The following ZNF444 variants were observed in gnomAD, a reference collection of about 807,000 sequenced individuals.
ZNF444 encodes the protein endothelial zinc finger protein 2.
In ZNF444, 8 loss-of-function variants were observed where a neutral mutation model predicts 14.4. The observed-to-expected ratio is 0.56, with a 90% CI of 0.33 to 1.00. The LOEUF (loss-of-function observed/expected upper bound fraction) is 1.00. ZNF444 is among the 50% of genes least tolerant of loss of function. ZNF444 has a pLI of 0.03. For synonymous variants in ZNF444, 258 were observed against 235.9 expected, an observed-to-expected ratio of 1.09 and a Z score of -0.86; for missense variants, 510 against 504.8, an observed-to-expected ratio of 1.01 and a Z score of -0.10.
At position 56,145,037 on chromosome 19, in the gene ZNF444, G is replaced by A. The variant is rs537783765; in HGVS notation, c.-196-1210G>A. On this transcript the variant is annotated intron_variant, in intron 1 of 4. Coordinates refer to ENST00000337080, the MANE Select transcript of ZNF444 (RefSeq NM_018337.4). This position sits in a 1 kb window ranked among gnomAD's most constrained non-coding sequence, Gnocchi z 4.3. ...CACAGCCACTCGGTAGCTCCAAGGC[G>A]GCCGTGGACAGCGCGTGAGCAAGTG... Among the ~76,000 whole-genome samples, 5 of 152,338 alleles carry A rather than the reference G, an allele frequency of 3.3e-5. No individual in the cohort carries two copies. Among genetic ancestry groups the A allele is most frequent in the African/African-American group, 4.8e-5 (2 of 41,584 alleles).
chr19:56,159,733 C>T lies in ZNF444; in HGVS notation c.516C>T (p.Phe172=). 3 of 1,578,698 alleles carry T rather than the reference C, an allele frequency of 1.9e-6. No homozygotes were observed. Among genetic ancestry groups the T allele is most frequent in the Non-Finnish European group, 2.6e-6 (3 of 1,166,736 alleles). Residue 172 remains phenylalanine (F), a synonymous_variant, in exon 5 of 5, where the codon TTC becomes TTT. Coordinates refer to ENST00000337080, the MANE Select transcript of ZNF444 (RefSeq NM_018337.4). ...SPPLAPGLPA[F]LAAPGTTSCP... is the part of the protein sequence containing the mutation. ...CGCTGGCGCCTGGCCTGCCCGCCTT[C>T]CTAGCGGCCCCGGGCACCACGTCCT...
At chr19:56,153,791 T>C (rs980960996) in intron 3 of ZNF444, among the ~76,000 whole-genome samples, 16 of 152,158 alleles carry the variant, frequency 1.1e-4, no homozygotes, top group Non-Finnish European at 2.4e-4. Flanking sequence ...AATGCCCCAG[T>C]CAGCCTGCGT....
chr19:56,150,472 TACTC>T (rs1354695685), intron 3 of ZNF444: 89 of 365,248 alleles, frequency 2.4e-4, no homozygotes, highest in South Asian at 1.8e-3. Flanking sequence ...TTGTATCTGT[TACTC>T]TCTCTTTTTA....
At chr19:56,140,648 A>T (rs535504992), upstream of ZNF444, among the ~76,000 whole-genome samples, 77 of 152,264 alleles carry the variant, frequency 5.1e-4, 1 homozygote, top group Non-Finnish European at 1.9e-4. Flanking sequence ...TGGCACCGAC[A>T]TCGGCCCTTA....
chr19:56,157,236 C>T (rs2031967039), intron 3 of ZNF444: 1 of 152,354 alleles, frequency 6.6e-6, no homozygotes, highest in African/African-American at 2.4e-5. Context: ...TGCGAGGCAC[C>T]TAGGATCTAG....
rs916724831 is a variant in ZNF444, at chr19:56,144,996, G to T, written c.-196-1251G>T. Among the ~76,000 whole-genome samples the T allele has an allele frequency of 6.6e-6, 1 of 152,206 alleles. No individual in the cohort carries two copies. Among genetic ancestry groups the T allele is most frequent in the Non-Finnish European group, 1.5e-5 (1 of 68,038 alleles). ...TTTGGCTCTGTGGACAGCCTTACAG[G>T]CCACCCAGGCCCTGTCACAGCCACT... On this transcript the variant is annotated intron_variant, in intron 1 of 4. Coordinates refer to ENST00000337080, the MANE Select transcript of ZNF444 (RefSeq NM_018337.4). The surrounding 1 kb of genome is among the most constrained non-coding windows in gnomAD (Gnocchi z 4.0).
rs554039855 is a variant in ZNF444 at position 56,160,307 on chromosome 19, G to A, written c.*106G>A. 8 of 914,946 alleles carry A rather than the reference G, an allele frequency of 8.7e-6. No homozygotes were observed. Among genetic ancestry groups the A allele is most frequent in the South Asian group, 4.1e-5 (2 of 48,560 alleles). The allele number at this position is 914,946 out of a possible 1,614,324, so 56.7% of individuals were successfully genotyped here. On this transcript the variant is annotated 3_prime_UTR_variant, in exon 5 of 5. Coordinates refer to ENST00000337080, the MANE Select transcript of ZNF444 (RefSeq NM_018337.4). ...CTTCCTCTCCTCCTTCCCTCCCATCGTCCTCCTCCACCTGCGCCTCCCTTG... is the reference window on the plus strand; with the variant it reads ...CTTCCTCTCCTCCTTCCCTCCCATCATCCTCCTCCACCTGCGCCTCCCTTG...
chr19:56,146,868 C>G, intron 2 of ZNF444, 22 bp from the exon 3 acceptor site: 1 of 1,351,486 alleles, frequency 7.4e-7, no homozygotes, highest in Non-Finnish European at 9.5e-7. Flanking sequence ...GGGCAGGGGT[C>G]TCACCGGCTT....
intron 1 of ZNF444, chr19:56,141,808 G>A (rs1014954855): frequency 3.3e-5 from 5 of 152,090 alleles, no homozygotes; most frequent in Non-Finnish European, 5.9e-5. Context: ...TGCGGGAAGG[G>A]GCTTCCGGGG....
chr19:56,140,227 TG>T (rs2030722075), upstream of ZNF444, among the ~76,000 whole-genome samples: 1 of 151,972 alleles, frequency 6.6e-6, no homozygotes. Context: ...AGGTGGAGGA[TG>T]GGAGGGGGAT....
At chr19:56,155,115 A>G (rs530299986) in intron 3 of ZNF444, 1 of 151,858 alleles carries the variant, frequency 6.6e-6, no homozygotes, top group South Asian at 2.1e-4. Flanking sequence ...GGCTGTGCCA[A>G]ATTGGCTCAG....
At chr19:56,157,903 A>C (rs1359315909) in intron 3 of ZNF444, 1 of 152,108 alleles carries the variant, frequency 6.6e-6, no homozygotes, top group Non-Finnish European at 1.5e-5. Flanking sequence ...TTGGACTGAA[A>C]CTTTTTAAAT....
upstream of ZNF444, among the ~76,000 whole-genome samples, chr19:56,140,640 G>A (rs2030738403): frequency 6.6e-6 from 1 of 152,120 alleles, no homozygotes; most frequent in Admixed American, 6.5e-5. Context: ...CTGATTCCTG[G>A]CACCGACATC....
At chr19:56,149,847 G>A (rs563052078) in intron 3 of ZNF444, 32 of 152,996 alleles carry the variant, frequency 2.1e-4, no homozygotes, top group African/African-American at 7.5e-4. Context: ...GTATTCCATG[G>A]TGTACTGTGG....
chr19:56,159,619 C>T lies in ZNF444; in HGVS notation c.407-5C>T. The T allele has an allele frequency of 7.0e-7, 1 of 1,431,334 alleles. No homozygotes were observed. Among genetic ancestry groups the T allele is most frequent in the Non-Finnish European group, 9.1e-7 (1 of 1,096,996 alleles). 88.7% of individuals were successfully genotyped at this position (1,431,334 alleles called of 1,614,324 possible). ...CCCAGATGCTGACTCTCTTTCTTTT[C>T]CCAGCAGGCACCGCCCCTGGGGCTG... On this transcript the variant is annotated splice_polypyrimidine_tract_variant and splice_region_variant and intron_variant, in intron 4 of 4. Transcript: ENST00000337080.
chr19:56,153,046 A>G lies in ZNF444; in HGVS notation c.298-5448A>G, dbSNP rs190502947. ...ATCCTCTGCCAGCTAGTAGACTTTC[A>G]CATTTTTTTTAAAAGTGCCTCATGA... On this transcript the variant is annotated intron_variant, in intron 3 of 4. Coordinates refer to ENST00000337080, the MANE Select transcript of ZNF444 (RefSeq NM_018337.4). Among the ~76,000 whole-genome samples the G allele has an allele frequency of 3.2e-3, 494 of 152,074 alleles. 5 individuals carry two copies. The highest frequency in any genetic ancestry group is 0.011 in the African/African-American group (449 of 41,466).
At chr19:56,135,074 AC>A (rs2030580323) in intron 1 of ZNF444, among the ~76,000 whole-genome samples, 1 of 152,128 alleles carries the variant, frequency 6.6e-6, no homozygotes, top group Non-Finnish European at 1.5e-5. Context: ...TACTAAAAAT[AC>A]AAAAAATCAG....
rs2031282382 is a variant in ZNF444, at chr19:56,147,611, C to T, written c.297+403C>T. Among the ~76,000 whole-genome samples, 1 of 152,118 alleles carries T rather than the reference C, an allele frequency of 6.6e-6. No individual in the cohort carries two copies. Among genetic ancestry groups the T allele is most frequent in the Non-Finnish European group, 1.5e-5 (1 of 68,006 alleles). On this transcript the variant is annotated intron_variant, in intron 3 of 4. Coordinates refer to ENST00000337080, the MANE Select transcript of ZNF444 (RefSeq NM_018337.4). This position sits in a 1 kb window ranked among gnomAD's most constrained non-coding sequence, Gnocchi z 5.9. ...TGCCGGCCAGGAATTCTCCTCAGAC[C>T]GTGGTGTCCTGGGTTCTTACTGGGG...
intron 3 of ZNF444, among the ~76,000 whole-genome samples, chr19:56,148,957 T>C (rs1318431279): frequency 1.3e-5 from 2 of 152,202 alleles, no homozygotes. Flanking sequence ...TCCTAGAGGC[T>C]GCCCGCATTC....
Sources: allele counts gnomAD v4.1 joint callset (sites outside exome capture counted in the v4.1 genomes callset), GRCh38; gene constraint gnomAD v4.1.1; non-coding constraint Gnocchi (gnomAD v3.1); transcripts MANE v1.5; gene names NCBI Gene and HGNC (gene_info 2026-07-23, HGNC 2026-07-21).